Variants in SNAPC3 observed in about 807,000 individuals in gnomAD.
The protein encoded by SNAPC3 is small nuclear RNA activating complex polypeptide 3.
SNAPC3 carries 56 observed loss-of-function variants against 47.7 expected under a neutral mutation model. That is an observed-to-expected ratio of 1.18 (90% CI 0.95 to 1.47). The LOEUF (loss-of-function observed/expected upper bound fraction) is 1.47. Ranked by LOEUF, SNAPC3 falls within the 40% of genes most tolerant of loss-of-function variation. SNAPC3 has a pLI of 0.00. For synonymous variants in SNAPC3, 235 were observed against 189.9 expected, an observed-to-expected ratio of 1.24 and a Z score of -1.95; for missense variants, 665 against 511.3, an observed-to-expected ratio of 1.30 and a Z score of -2.90.
chr9:15,449,559 ATATATTTTTTTT>A (rs1292561875), intron 5 of SNAPC3, among the ~76,000 whole-genome samples: 86 of 45,528 alleles, frequency 1.9e-3, no homozygotes, highest in African/African-American at 9.5e-3. Flanking sequence ...ATATATATAT[ATATATTTTTTTT>A]TTTTTTTTTT....
intron 1 of SNAPC3, 81 bp from the exon 2 acceptor site, chr9:15,423,828 G>A: frequency 2.7e-6 from 2 of 739,742 alleles, no homozygotes; most frequent in Non-Finnish European, 4.4e-6. Context: ...ATTCAGTAAT[G>A]TATTTAGGAA....
chr9:15,444,173 G>C (rs564253024), intron 3 of SNAPC3, among the ~76,000 whole-genome samples: 1 of 152,186 alleles, frequency 6.6e-6, no homozygotes, highest in Non-Finnish European at 1.5e-5. Context: ...AAACAAATCC[G>C]TATTTGCGTC....
At chr9:15,439,711 T>C (rs1237008605) in intron 3 of SNAPC3, among the ~76,000 whole-genome samples, 1 of 152,104 alleles carries the variant, frequency 6.6e-6, no homozygotes, top group African/African-American at 2.4e-5. Flanking sequence ...ATTTTTGTAT[T>C]TTTGTAGAGG....
At chr9:15,435,848 T>TTTC (rs1308609644) in intron 3 of SNAPC3, among the ~76,000 whole-genome samples, 1 of 148,136 alleles carries the variant, frequency 6.8e-6, no homozygotes, top group Non-Finnish European at 1.5e-5. Context: ...TTCTTTCTTT[T>TTTC]TTTTTTTTTT....
rs2035180650 is a variant in SNAPC3 at position 15,461,097 on chromosome 9, C to A, written c.*1231C>A. 1 of 151,780 alleles carries A rather than the reference C, an allele frequency of 6.6e-6. No individual in the cohort carries two copies. Among genetic ancestry groups the A allele is most frequent in the South Asian group, 2.1e-4 (1 of 4,814 alleles). The allele number at this position is 151,780 out of a possible 1,614,324, so 9.4% of individuals were successfully genotyped here. A position where few individuals can be genotyped will look rare whatever the true frequency, so the allele number is the denominator to read the frequency against. Reference sequence around the variant, plus strand: ...GCCCAGGTCTTCCATTCTTCTGGTCCCCTTACTATAGTAATTCTAGTTACT... The same window carrying A: ...GCCCAGGTCTTCCATTCTTCTGGTCACCTTACTATAGTAATTCTAGTTACT... On this transcript the variant is annotated 3_prime_UTR_variant, in exon 9 of 9. Transcript: ENST00000380821.
intron 2 of SNAPC3, among the ~76,000 whole-genome samples, chr9:15,428,465 C>T (rs575664202): frequency 3.4e-5 from 5 of 147,776 alleles, no homozygotes; most frequent in South Asian, 4.3e-4. Context: ...GCCGAGATCA[C>T]GCCACTGCAC....
intron 4 of SNAPC3, among the ~76,000 whole-genome samples, chr9:15,445,038 G>A (rs2033814101): frequency 6.6e-6 from 1 of 152,162 alleles, no homozygotes; most frequent in Admixed American, 6.5e-5. Flanking sequence ...GGTTGTAAGC[G>A]AGCTATGATT....
At chr9:15,426,908 C>T (rs1240909135) in intron 2 of SNAPC3, among the ~76,000 whole-genome samples, 1 of 152,078 alleles carries the variant, frequency 6.6e-6, no homozygotes, top group Non-Finnish European at 1.5e-5. Flanking sequence ...CATTGTTAAC[C>T]TTAATGGTCC....
intron 3 of SNAPC3, among the ~76,000 whole-genome samples, chr9:15,441,214 AT>A (rs1393194928): frequency 4.0e-5 from 6 of 148,722 alleles, no homozygotes; most frequent in South Asian, 4.3e-4. Flanking sequence ...CGTTATTATT[AT>A]TTTTTTAATT....
chr9:15,435,651 CCCA>C (rs993515846), intron 3 of SNAPC3, among the ~76,000 whole-genome samples: 1 of 151,198 alleles, frequency 6.6e-6, no homozygotes, highest in Non-Finnish European at 1.5e-5. Context: ...ATCACTAGAA[CCCA>C]GGAGGTGGAG....
intron 2 of SNAPC3, among the ~76,000 whole-genome samples, chr9:15,431,128 C>T (rs1340139240): frequency 6.6e-6 from 1 of 152,178 alleles, no homozygotes; most frequent in Non-Finnish European, 1.5e-5. Flanking sequence ...TGCCCAGCTC[C>T]TGCAATACAC....
At chr9:15,444,173 G>A (rs564253024) in intron 3 of SNAPC3, among the ~76,000 whole-genome samples, 10 of 152,304 alleles carry the variant, frequency 6.6e-5, no homozygotes, top group South Asian at 2.1e-4. Flanking sequence ...AAACAAATCC[G>A]TATTTGCGTC....
chr9:15,439,076 C>T (rs1587260295), intron 3 of SNAPC3, among the ~76,000 whole-genome samples: 1 of 151,970 alleles, frequency 6.6e-6, no homozygotes, highest in Admixed American at 6.5e-5. Flanking sequence ...GTGGCGCCAT[C>T]ACTGCGCATT....
intron 4 of SNAPC3, among the ~76,000 whole-genome samples, chr9:15,445,531 T>C (rs561949440): frequency 4.2e-4 from 64 of 151,650 alleles, no homozygotes; most frequent in Admixed American, 9.3e-4. Flanking sequence ...CTTAAATAGA[T>C]GTGTCATAAA....
intron 2 of SNAPC3, among the ~76,000 whole-genome samples, chr9:15,428,860 G>A (rs1400965314): frequency 6.6e-6 from 1 of 151,978 alleles, no homozygotes; most frequent in Non-Finnish European, 1.5e-5. Flanking sequence ...GGAATGGTAG[G>A]TAGATAGGCA....
At chr9:15,451,438 A>T (rs1173826177) in intron 6 of SNAPC3, 36 bp downstream of exon 6, 2 of 985,598 alleles carry the variant, frequency 2.0e-6, no homozygotes, top group Non-Finnish European at 3.1e-6. Context: ...AGTCTTTCCT[A>T]TTTCTAGTTA....
At chr9:15,449,816 C>A (rs1331910832) in intron 5 of SNAPC3, among the ~76,000 whole-genome samples, 2 of 151,594 alleles carry the variant, frequency 1.3e-5, no homozygotes, top group Non-Finnish European at 2.9e-5. Context: ...GGTGATCTGC[C>A]CACCTCAGCC....
At chr9:15,465,386 A>G, downstream of SNAPC3, 1 of 731,176 alleles carries the variant, frequency 1.4e-6, no homozygotes, top group Non-Finnish European at 2.3e-6. Flanking sequence ...TTTAAAACAA[A>G]GGGATTTTCT....
At chr9:15,453,794 T>C (rs2034569453) in intron 7 of SNAPC3, among the ~76,000 whole-genome samples, 1 of 152,246 alleles carries the variant, frequency 6.6e-6, no homozygotes, top group South Asian at 2.1e-4. Context: ...AGGAATACTA[T>C]GTACGAATAA....
Sources: allele counts gnomAD v4.1 joint callset (sites outside exome capture counted in the v4.1 genomes callset), GRCh38; gene constraint gnomAD v4.1.1; transcripts MANE v1.5; gene names NCBI Gene and HGNC (gene_info 2026-07-23, HGNC 2026-07-21).